CCDC93: variants seen among roughly 807,000 people sequenced by gnomAD.
CCDC93 encodes CCC complex scaffolding subunit CCDC93.
CCDC93 carries 61 observed loss-of-function variants against 108.2 expected under a neutral mutation model. The observed-to-expected ratio is 0.56, with a 90% CI of 0.46 to 0.70. The LOEUF is 0.70. Ranked by LOEUF, CCDC93 falls within the 30% of genes least tolerant of loss-of-function variation. The pLI, the probability that CCDC93 is intolerant of heterozygous loss-of-function variation, is 0.00. For missense variants in CCDC93, 685 were observed against 764.2 expected (o/e 0.90, Z 1.22); for synonymous variants, 276 against 260.4 (o/e 1.06, Z -0.58).
At chr2:117,927,302 T>C (rs987058141) in intron 23 of CCDC93, among the ~76,000 whole-genome samples, 9 of 152,102 alleles carry the variant, frequency 5.9e-5, no homozygotes, top group Non-Finnish European at 1.3e-4. Context: ...ATAAAGGGTA[T>C]TCAATTAGGA....
chr2:117,957,747 G>GT (rs965264132), intron 12 of CCDC93, among the ~76,000 whole-genome samples: 4 of 152,054 alleles, frequency 2.6e-5, no homozygotes, highest in African/African-American at 9.7e-5. Flanking sequence ...ATGTTGTTCT[G>GT]TAAGTCCATA....
chr2:117,916,162 G>GTGCTGCCACCACCA lies in CCDC93; in HGVS notation c.*4180_*4181insTGGTGGTGGCAGCA, dbSNP rs1677678833. 1.3e-5 allele frequency: 2 copies of GTGCTGCCACCACCA among 151,894 alleles called. No homozygotes were observed. The highest frequency in any genetic ancestry group is 6.6e-5 in the Admixed American group (1 of 15,256). 9.4% of individuals were successfully genotyped at this position (151,894 alleles called of 1,614,324 possible). ...TACATGTCACACTCCTGCCACCACC[G>GTGCTGCCACCACCA]TATCTAGTGCTGCCACCCACAGCCT... On this transcript the variant is annotated 3_prime_UTR_variant, in exon 24 of 24. Transcript: ENST00000376300.
At chr2:117,948,254 C>G in intron 14 of CCDC93, 68 bp from the exon 15 acceptor site, 1 of 1,125,806 alleles carries the variant, frequency 8.9e-7, no homozygotes, top group Non-Finnish European at 1.3e-6. Flanking sequence ...CAGCTAAAAG[C>G]AGGTCCGCAG....
At chr2:117,947,885 G>A (rs954480623) in intron 15 of CCDC93, 39 of 387,378 alleles carry the variant, frequency 1.0e-4, no homozygotes, top group Middle Eastern at 6.8e-4. Context: ...TAGTAGAGAC[G>A]GGGTTTCACA....
At chr2:118,005,685 G>C (rs991551544) in intron 3 of CCDC93, among the ~76,000 whole-genome samples, 1 of 150,370 alleles carries the variant, frequency 6.7e-6, no homozygotes, top group Non-Finnish European at 1.5e-5. Flanking sequence ...TAAGGAAGTC[G>C]AGGCTGCAGT....
At chr2:117,973,302 A>T (rs146842636) in intron 11 of CCDC93, among the ~76,000 whole-genome samples, 39 of 152,178 alleles carry the variant, frequency 2.6e-4, no homozygotes, top group Non-Finnish European at 5.7e-4. Context: ...ATGTCCTGTA[A>T]ATCTGATTTT....
intron 23 of CCDC93, among the ~76,000 whole-genome samples, chr2:117,924,867 A>G (rs1213214952): frequency 1.3e-5 from 2 of 152,232 alleles, no homozygotes; most frequent in Non-Finnish European, 2.9e-5. Context: ...TGTTAAGGGC[A>G]GACAGAGAGA....
At chr2:118,004,193 C>G (rs1676795996) in intron 3 of CCDC93, among the ~76,000 whole-genome samples, 1 of 152,220 alleles carries the variant, frequency 6.6e-6, no homozygotes, top group South Asian at 2.1e-4. Context: ...AATCCCTACT[C>G]AAAGCGGTAG....
At chr2:117,926,079 A>G (rs911368025) in intron 23 of CCDC93, among the ~76,000 whole-genome samples, 1 of 152,240 alleles carries the variant, frequency 6.6e-6, no homozygotes, top group African/African-American at 2.4e-5. Context: ...ACGAGAACAA[A>G]GACACAACAT....
At chr2:117,974,063 A>T in intron 10 of CCDC93, 69 bp from the exon 11 acceptor site, 1 of 974,220 alleles carries the variant, frequency 1.0e-6, no homozygotes, top group Non-Finnish European at 1.6e-6. Flanking sequence ...AAATCTGAAC[A>T]CTCTATTATG....
At chr2:117,981,772 C>T (rs1310809784) in intron 7 of CCDC93, among the ~76,000 whole-genome samples, 1 of 152,142 alleles carries the variant, frequency 6.6e-6, no homozygotes, top group Non-Finnish European at 1.5e-5. Flanking sequence ...AATCAAAATT[C>T]TGTTCCTGAG....
chr2:117,928,218 A>C (rs1468222006), intron 23 of CCDC93, among the ~76,000 whole-genome samples: 4 of 152,256 alleles, frequency 2.6e-5, no homozygotes, highest in African/African-American at 9.6e-5. Context: ...CTTCATGTCT[A>C]ACACACCAAC....
At chr2:117,994,397 T>C (rs1680579581) in intron 6 of CCDC93, among the ~76,000 whole-genome samples, 1 of 152,160 alleles carries the variant, frequency 6.6e-6, no homozygotes, top group Admixed American at 6.5e-5. Context: ...TTCCCAAAGG[T>C]TTTCCACCTC....
chr2:117,940,274 T>A lies in CCDC93; in HGVS notation c.1522+915A>T, dbSNP rs147737950. The stretch of plus-strand genomic sequence containing the variant: ...GAGTAGGAGCCTGGAGAAGAGGTGG[T>A]CACTTCTTGCCTGGGGTGGGGTGCC... On this transcript the variant is annotated intron_variant, in intron 19 of 23. Coordinates refer to ENST00000376300, the MANE Select transcript of CCDC93 (RefSeq NM_019044.5). 3.1e-3 allele frequency among the ~76,000 whole-genome samples: 466 copies of A among 152,164 alleles called. 1 individual carries two copies. Among genetic ancestry groups the A allele is most frequent in the African/African-American group, 0.011 (436 of 41,512 alleles).
chr2:117,949,666 G>T (rs973138811), intron 13 of CCDC93: 1 of 765,828 alleles, frequency 1.3e-6, no homozygotes, highest in Non-Finnish European at 1.6e-6. Context: ...TGTACTTTTT[G>T]AATTTTGTAC....
Position 118,009,951 on chromosome 2 carries a change from G to C in CCDC93, c.43-1293C>G, listed in dbSNP as rs774899657. On this transcript the variant is annotated intron_variant, in intron 1 of 23. Transcript: ENST00000376300. ...CTTTTGTTTTTGTTTTTGAGACAGA[G>C]TCTCGCTCTGTCACCCTGGCTGGAG... 2.0e-5 allele frequency among the ~76,000 whole-genome samples: 3 copies of C among 151,748 alleles called. No homozygotes were observed. The East Asian group carries it at 5.8e-4, about 29-fold the overall frequency.
chr2:117,950,679 C>A (rs1394664353), intron 13 of CCDC93: 9 of 985,286 alleles, frequency 9.1e-6, no homozygotes, highest in Non-Finnish European at 1.1e-5. Flanking sequence ...GTAAGGAGAA[C>A]CAGGCCCAGA....
intron 19 of CCDC93, among the ~76,000 whole-genome samples, chr2:117,940,322 AATTGGGT>A (rs1399078669): frequency 6.6e-6 from 1 of 152,104 alleles, no homozygotes; most frequent in Non-Finnish European, 1.5e-5. Context: ...ACAGGATCTG[AATTGGGT>A]ATTGAAGAAT....
Position 117,958,498 on chromosome 2 carries a change from T to A in CCDC93, c.889-17A>T. 1 of 1,408,786 alleles carries A rather than the reference T, an allele frequency of 7.1e-7. No individual in the cohort carries two copies. The highest frequency in any genetic ancestry group is 1.0e-6 in the Non-Finnish European group (1 of 992,718). 87.3% of individuals were successfully genotyped at this position (1,408,786 alleles called of 1,614,324 possible). ...CTCAGACTGCTGTGGAAAAAAGGGA[T>A]GGCAAATCCAAAGGATTTAGTTAGT... On this transcript the variant is annotated splice_polypyrimidine_tract_variant and intron_variant, in intron 11 of 23. Transcript: ENST00000376300.
Sources: allele counts gnomAD v4.1 joint callset (sites outside exome capture counted in the v4.1 genomes callset), GRCh38; gene constraint gnomAD v4.1.1; transcripts MANE v1.5; gene names NCBI Gene and HGNC (gene_info 2026-07-23, HGNC 2026-07-21).